The following PADI1 variants were observed in gnomAD, a reference collection of about 807,000 sequenced individuals.
PADI1 encodes protein-arginine deiminase type-1.
Under a neutral mutation model 74.8 loss-of-function variants are expected in PADI1, and 65 were observed. The ratio of observed to expected loss-of-function variants is 0.87; its 90% CI spans 0.71 to 1.07. The LOEUF is 1.07. PADI1 is among the 50% of genes least tolerant of loss of function. PADI1 has a pLI of 0.00. For missense variants in PADI1, 943 were observed against 854.0 expected, an observed-to-expected ratio of 1.10 and a Z score of -1.30; for synonymous variants, 371 against 336.2, an observed-to-expected ratio of 1.10 and a Z score of -1.13.
At chr1:17,212,198 C>T (rs1403851362) in intron 1 of PADI1, among the ~76,000 whole-genome samples, 5 of 152,232 alleles carry the variant, frequency 3.3e-5, no homozygotes, top group Non-Finnish European at 5.9e-5. Context: ...TTTGCTGGGC[C>T]CTGCTGCCTG....
At position 17,237,160 on chromosome 1, in the gene PADI1, T is replaced by C. The variant is rs41265085; in HGVS notation, c.1314-154T>C. On this transcript the variant is annotated intron_variant, in intron 11 of 15. Transcript: ENST00000375471. ...ATGCACACACAAATGCACAGTCCATTCTCTGCTGTCTTGGCTTCTCCACGC... is the reference window on the plus strand; with the variant it reads ...ATGCACACACAAATGCACAGTCCATCCTCTGCTGTCTTGGCTTCTCCACGC... 8.2e-3 allele frequency among the ~76,000 whole-genome samples: 1,246 copies of C among 152,354 alleles called. 7 individuals carry two copies. Among genetic ancestry groups the C allele is most frequent in the Middle Eastern group, 0.014 (4 of 294 alleles).
At chr1:17,220,912 A>G (rs1389385985) in intron 1 of PADI1, among the ~76,000 whole-genome samples, 1 of 152,194 alleles carries the variant, frequency 6.6e-6, no homozygotes, top group African/African-American at 2.4e-5. Context: ...TTTGCAGTGC[A>G]TCCCCCTCTG....
At position 17,244,630 on chromosome 1, in the gene PADI1, C is replaced by T. The variant is rs1054618225; in HGVS notation, c.*387C>T. On this transcript the variant is annotated 3_prime_UTR_variant, in exon 16 of 16. Transcript: ENST00000375471. The stretch of plus-strand genomic sequence containing the variant: ...AATGACTTTGCATCTGCACCTGGAA[C>T]GGGGCCTGGGGGACCTGGGGTCTGG... 22 of 367,276 alleles carry T rather than the reference C, an allele frequency of 6.0e-5. No individual in the cohort carries two copies. Among genetic ancestry groups the T allele is most frequent in the African/African-American group, 2.1e-4 (10 of 47,306 alleles). The allele number at this position is 367,276 out of a possible 1,614,324, so 22.8% of individuals were successfully genotyped here.
intron 8 of PADI1, 141 bp from the exon 9 acceptor site, chr1:17,229,944 C>T (rs775626643): frequency 8.1e-5 from 57 of 707,810 alleles, no homozygotes; most frequent in East Asian, 5.3e-4. Flanking sequence ...CTTCCCCATG[C>T]GCCTATGAGC....
intron 1 of PADI1, among the ~76,000 whole-genome samples, chr1:17,206,822 C>G (rs1005724882): frequency 1.3e-5 from 2 of 151,452 alleles, no homozygotes; most frequent in Non-Finnish European, 2.9e-5. Flanking sequence ...GCTGGGATAA[C>G]AGGAACCCAC....
chr1:17,230,532 GA>G, intron 9 of PADI1, 39 bp from the exon 10 acceptor site: 5 of 1,446,926 alleles, frequency 3.5e-6, no homozygotes, highest in South Asian at 1.2e-5. Flanking sequence ...TAAACCACCC[GA>G]AAAAGGTCAC....
intron 15 of PADI1, among the ~76,000 whole-genome samples, chr1:17,242,561 C>G (rs1569857591): frequency 6.6e-6 from 1 of 152,172 alleles, no homozygotes. Flanking sequence ...CTCCATCTGC[C>G]GGAAGCCCCT....
intron 15 of PADI1, among the ~76,000 whole-genome samples, 171 bp downstream of exon 15, chr1:17,240,931 T>C (rs992043401): frequency 1.3e-5 from 2 of 152,088 alleles, no homozygotes; most frequent in African/African-American, 4.8e-5. Context: ...ACCAGGGCAA[T>C]TTTGCCCCCA....
chr1:17,220,303 T>C (rs1202687071), intron 1 of PADI1, among the ~76,000 whole-genome samples: 1 of 152,092 alleles, frequency 6.6e-6, no homozygotes, highest in African/African-American at 2.4e-5. Flanking sequence ...GTCACCGCAG[T>C]CAATGGAGAC....
intron 9 of PADI1, 122 bp downstream of exon 9, chr1:17,230,330 G>T: frequency 1.6e-6 from 2 of 1,263,618 alleles, no homozygotes; most frequent in Non-Finnish European, 1.1e-6. Flanking sequence ...GGCCTCTGGG[G>T]CGAGGGCTTT....
rs184041339 is a variant in PADI1, at chr1:17,243,151, G to T, written c.1759-859G>T. 2.3e-3 allele frequency among the ~76,000 whole-genome samples: 355 copies of T among 152,318 alleles called. 10 individuals carry two copies. Among genetic ancestry groups the T allele is most frequent in the Admixed American group, 0.021 (329 of 15,304 alleles). On this transcript the variant is annotated intron_variant, in intron 15 of 15. Coordinates refer to ENST00000375471, the MANE Select transcript of PADI1 (RefSeq NM_013358.3). ...CCGGAGTCCCCTTTGAACACCAAGG[G>T]TCACCCCTTATGACCTCTTGCCATC...
At chr1:17,214,504 G>A (rs1046635485) in intron 1 of PADI1, among the ~76,000 whole-genome samples, 4 of 152,132 alleles carry the variant, frequency 2.6e-5, no homozygotes, top group Admixed American at 6.5e-5. Context: ...ATTTGGAGGG[G>A]TGCTTTCAAA....
rs760501677 is a variant in PADI1, at chr1:17,244,289, C to G, written c.*46C>G. 1 of 1,462,890 alleles carries G rather than the reference C, an allele frequency of 6.8e-7. No homozygotes were observed. 90.6% of individuals were successfully genotyped at this position (1,462,890 alleles called of 1,614,324 possible). On this transcript the variant is annotated 3_prime_UTR_variant, in exon 16 of 16. Transcript: ENST00000375471. ...CTCTCTGCCCTCTTGCTAGGGAACC[C>G]TGCCAGGGTGAAGGCAAGGAACAAC...
intron 11 of PADI1, among the ~76,000 whole-genome samples, chr1:17,234,519 A>G (rs1386224844): frequency 6.6e-6 from 1 of 152,166 alleles, no homozygotes; most frequent in African/African-American, 2.4e-5. Context: ...TACATGTCAC[A>G]CCCATAGTGC....
At chr1:17,224,608 T>G (rs1470488850) in intron 4 of PADI1, among the ~76,000 whole-genome samples, 180 bp downstream of exon 4, 1 of 152,202 alleles carries the variant, frequency 6.6e-6, no homozygotes, top group Non-Finnish European at 1.5e-5. Context: ...ACCTACACCC[T>G]GTAACCGACA....
chr1:17,234,167 A>G (rs188062362), intron 11 of PADI1, among the ~76,000 whole-genome samples: 10 of 152,386 alleles, frequency 6.6e-5, no homozygotes, highest in African/African-American at 2.4e-4. Flanking sequence ...AAACCAGTGT[A>G]TACCACAGTG....
chr1:17,228,547 G>C, intron 6 of PADI1, 78 bp from the exon 7 acceptor site: 1 of 1,497,456 alleles, frequency 6.7e-7, no homozygotes, highest in Non-Finnish European at 9.3e-7. Flanking sequence ...ACCACAAAGG[G>C]GGCTCTGTCC....
chr1:17,222,365 C>T lies in PADI1; in HGVS notation c.168C>T (p.Arg56=), dbSNP rs201867644. 2.3e-5 allele frequency: 37 copies of T among 1,613,964 alleles called. No individual in the cohort carries two copies. Among genetic ancestry groups the T allele is most frequent in the Non-Finnish European group, 3.1e-5 (36 of 1,179,848 alleles). The change falls in exon 2 of 16, where the codon CGC becomes CGT. Residue 56 remains arginine (R), a synonymous_variant. Coordinates refer to ENST00000375471, the MANE Select transcript of PADI1 (RefSeq NM_013358.3). ...SGVEVFMVYN[R]TRVKEPIGKA... Reference sequence around the variant, plus strand: ...TGGAGGTCTTCATGGTCTACAACCGCACACGTGTGAAAGAGCCCATAGGCA... The same window carrying T: ...TGGAGGTCTTCATGGTCTACAACCGTACACGTGTGAAAGAGCCCATAGGCA...
intron 11 of PADI1, among the ~76,000 whole-genome samples, chr1:17,236,202 A>T (rs941819563): frequency 6.6e-6 from 1 of 152,220 alleles, no homozygotes; most frequent in Non-Finnish European, 1.5e-5. Context: ...GAAACAGACA[A>T]TAAGTGAACA....
Sources: allele counts gnomAD v4.1 joint callset (sites outside exome capture counted in the v4.1 genomes callset), GRCh38; gene constraint gnomAD v4.1.1; transcripts MANE v1.5; gene names NCBI Gene and HGNC (gene_info 2026-07-23, HGNC 2026-07-21).